KPNA7: variants seen among roughly 807,000 people sequenced by gnomAD.
KPNA7 encodes karyopherin subunit alpha 7, also known as importin subunit alpha-8.
A neutral mutation model predicts 53.7 loss-of-function variants in KPNA7; 54 were observed. The ratio of observed to expected loss-of-function variants is 1.01; its 90% CI spans 0.81 to 1.26. The LOEUF (loss-of-function observed/expected upper bound fraction) is 1.26, where lower values mean the gene tolerates loss of function less well. KPNA7 is among the 50% of genes most tolerant of loss of function. The pLI, the probability that KPNA7 is intolerant of heterozygous loss-of-function variation, is 0.00. For missense variants in KPNA7, 640 were observed against 644.5 expected (o/e 0.99, Z 0.07); for synonymous variants, 276 against 259.3 (o/e 1.06, Z -0.62).
At chr7:99,177,338 G>T (rs773932898) in intron 10 of KPNA7, among the ~76,000 whole-genome samples, 5 of 152,156 alleles carry the variant, frequency 3.3e-5, no homozygotes, top group African/African-American at 1.2e-4. Context: ...CCAGCACTTT[G>T]GGATTACGCC....
At chr7:99,193,613 C>G (rs1307723470) in intron 5 of KPNA7, among the ~76,000 whole-genome samples, 1 of 152,106 alleles carries the variant, frequency 6.6e-6, no homozygotes, top group African/African-American at 2.4e-5. Context: ...CTTTACTGCA[C>G]CAAGCAAAAT....
At chr7:99,160,483 G>T in the KPNA7 span, among the ~76,000 whole-genome samples, 2 of 151,912 alleles carry the variant, frequency 1.3e-5, no homozygotes, top group African/African-American at 4.8e-5. Flanking sequence ...TAGGGACAGG[G>T]TCTCGCTATG....
chr7:99,154,654 C>G, the KPNA7 span, among the ~76,000 whole-genome samples: 2 of 151,890 alleles, frequency 1.3e-5, no homozygotes, highest in African/African-American at 4.8e-5. Flanking sequence ...TCCTGAGTAG[C>G]TGGGATTACA....
At chr7:99,184,655 G>A (rs1789484470) in intron 8 of KPNA7, among the ~76,000 whole-genome samples, 1 of 152,168 alleles carries the variant, frequency 6.6e-6, no homozygotes, top group Non-Finnish European at 1.5e-5. Flanking sequence ...TTAGACATAA[G>A]CCAATATTTA....
the KPNA7 span, among the ~76,000 whole-genome samples, chr7:99,159,719 A>T: frequency 3.3e-4 from 50 of 152,324 alleles, no homozygotes; most frequent in African/African-American, 1.1e-3. Context: ...AAACCAAAAC[A>T]GCCAATCATT....
chr7:99,183,953 T>C (rs1789430126), intron 8 of KPNA7, among the ~76,000 whole-genome samples: 1 of 151,998 alleles, frequency 6.6e-6, no homozygotes. Context: ...TTCAAGTGAT[T>C]CTCCTGTCTT....
the KPNA7 span, among the ~76,000 whole-genome samples, chr7:99,165,892 A>G: frequency 0.92 from 139,786 of 152,146 alleles, 64,555 homozygotes; most frequent in East Asian, 1. Flanking sequence ...AGTAATCCCC[A>G]ACGTTGGGGG....
intron 4 of KPNA7, among the ~76,000 whole-genome samples, chr7:99,195,606 G>C (rs1431708513): frequency 6.6e-6 from 1 of 152,126 alleles, no homozygotes; most frequent in African/African-American, 2.4e-5. Flanking sequence ...GGAGGCTTGA[G>C]GCAGGAGAAT....
At chr7:99,209,536 AGCCAG>A (rs1790987985), upstream of KPNA7, among the ~76,000 whole-genome samples, 1 of 151,894 alleles carries the variant, frequency 6.6e-6, no homozygotes, top group South Asian at 2.1e-4. Context: ...GTACAAAATT[AGCCAG>A]GCGTAGTGGC....
At chr7:99,169,497 G>A (rs1433915936), downstream of KPNA7, among the ~76,000 whole-genome samples, 2 of 151,880 alleles carry the variant, frequency 1.3e-5, no homozygotes, top group African/African-American at 4.8e-5. Flanking sequence ...GGGCACGCCT[G>A]TAATCTCAGC....
intron 7 of KPNA7, among the ~76,000 whole-genome samples, chr7:99,185,788 TTTTG>T (rs71515264): frequency 0.027 from 4,039 of 152,026 alleles, 165 homozygotes; most frequent in African/African-American, 0.086. Flanking sequence ...GACGATAGTG[TTTTG>T]TTTGTTTGTT....
chr7:99,150,908 G>A, the KPNA7 span, among the ~76,000 whole-genome samples: 3 of 152,108 alleles, frequency 2.0e-5, no homozygotes, highest in Admixed American at 6.6e-5. Context: ...GAGTCCTGGC[G>A]AGGCTCTAAT....
chr7:99,160,089 A>C, the KPNA7 span, among the ~76,000 whole-genome samples: 1 of 132,268 alleles, frequency 7.6e-6, no homozygotes, highest in African/African-American at 3.0e-5. Context: ...CAGTGGTACG[A>C]TCCTGGCTCA....
At chr7:99,150,985 CA>C in the KPNA7 span, among the ~76,000 whole-genome samples, 1 of 152,186 alleles carries the variant, frequency 6.6e-6, no homozygotes, top group Non-Finnish European at 1.5e-5. Context: ...CCCCTACTAC[CA>C]AGAAAGGGGT....
At position 99,173,584 on chromosome 7, in the gene KPNA7, A is replaced by C; in HGVS notation, c.*124T>G. The C allele has an allele frequency of 1.6e-6, 1 of 607,314 alleles. No individual in the cohort carries two copies. Among genetic ancestry groups the C allele is most frequent in the Non-Finnish European group, 2.9e-6 (1 of 345,140 alleles). 37.6% of individuals were successfully genotyped at this position (607,314 alleles called of 1,614,324 possible). ...AGATAGAGAAACGTGAAAGTGTTGA[A>C]CATTTTATTAATGTCAAGTTTTAAA... is the stretch of plus-strand genomic sequence containing the variant. On this transcript the variant is annotated 3_prime_UTR_variant, in exon 11 of 11. Coordinates refer to ENST00000327442, the MANE Select transcript of KPNA7 (RefSeq NM_001145715.3).
intron 1 of KPNA7, among the ~76,000 whole-genome samples, chr7:99,219,085 G>A (rs142955490): frequency 1.8e-4 from 28 of 152,352 alleles, no homozygotes; most frequent in African/African-American, 6.5e-4. Flanking sequence ...GTTCTTATGC[G>A]TGAACGCAGA....
rs1010295396 is a variant in KPNA7, at chr7:99,173,936, G to C, written c.1465-142C>G. 2.6e-5 allele frequency: 15 copies of C among 586,516 alleles called. No homozygotes were observed. The East Asian group carries it at 4.4e-4, about 17-fold the overall frequency. 36.3% of individuals were successfully genotyped at this position (586,516 alleles called of 1,614,324 possible). A position where few individuals can be genotyped will look rare whatever the true frequency, so the allele number is the denominator to read the frequency against. Reference sequence around the variant, plus strand: ...AGCTTAGTAGCAATTAAGTACATTCGCATTGTTGCGCAACCATCACCACCA... The same window carrying C: ...AGCTTAGTAGCAATTAAGTACATTCCCATTGTTGCGCAACCATCACCACCA... On this transcript the variant is annotated intron_variant, in intron 10 of 10. Transcript: ENST00000327442.
At chr7:99,153,626 G>A in the KPNA7 span, among the ~76,000 whole-genome samples, 3 of 151,576 alleles carry the variant, frequency 2.0e-5, no homozygotes, top group Admixed American at 6.6e-5. Context: ...GGTTTCCTTC[G>A]TATATTTACT....
At chr7:99,181,732 A>C in intron 9 of KPNA7, 151 bp downstream of exon 9, 1 of 620,632 alleles carries the variant, frequency 1.6e-6, no homozygotes, top group Non-Finnish European at 2.7e-6. Context: ...GGGTTTCACT[A>C]TGTTGGCCAG....
Sources: gnomAD v4.1 joint callset for allele counts (sites outside exome capture counted in the v4.1 genomes callset) on GRCh38, gnomAD v4.1.1 for gene constraint, MANE v1.5 for transcripts, NCBI Gene and HGNC (gene_info 2026-07-23, HGNC 2026-07-21) for gene names.